Variants in NALF1 observed in about 807,000 individuals in gnomAD.
NALF1 encodes the protein family with sequence similarity 155 member A.
A neutral mutation model predicts 48.4 loss-of-function variants in NALF1; 3 were observed. That is an observed-to-expected ratio of 0.06 (90% CI 0.03 to 0.16). The LOEUF (loss-of-function observed/expected upper bound fraction) is 0.16, where lower values mean the gene tolerates loss of function less well. NALF1 is among the 10% of genes least tolerant of loss of function. NALF1 has a pLI of 1.00. For synonymous variants in NALF1, 262 were observed against 245.7 expected, an observed-to-expected ratio of 1.07 and a Z score of -0.62; for missense variants, 526 against 571.5, an observed-to-expected ratio of 0.92 and a Z score of 0.81.
chr13:107,794,165 G>A (rs2138589864), intron 1 of NALF1, among the ~76,000 whole-genome samples: 1 of 152,102 alleles, frequency 6.6e-6, no homozygotes, highest in African/African-American at 2.4e-5. Context: ...TGGATCCACG[G>A]GACTGCAACT....
intron 1 of NALF1, among the ~76,000 whole-genome samples, chr13:107,609,662 T>G (rs1879171936): frequency 6.6e-6 from 1 of 152,224 alleles, no homozygotes; most frequent in Non-Finnish European, 1.5e-5. Flanking sequence ...ATTATTAGGT[T>G]ATGATTAAAG....
At chr13:107,770,470 CTA>C (rs1352954760) in intron 1 of NALF1, among the ~76,000 whole-genome samples, 3 of 152,168 alleles carry the variant, frequency 2.0e-5, no homozygotes, top group East Asian at 3.9e-4. Flanking sequence ...AAATGTAACT[CTA>C]GTTTATTATT....
intron 1 of NALF1, among the ~76,000 whole-genome samples, chr13:107,603,519 C>T (rs781337564): frequency 1.3e-5 from 2 of 151,978 alleles, no homozygotes; most frequent in Non-Finnish European, 2.9e-5. Flanking sequence ...TTTTAATATA[C>T]CGAAGTATAT....
In NALF1 at chr13:107,386,508, G is replaced by A. The variant is rs75931354; in HGVS notation, c.916-175753C>T. ...ATGCCACTGAGCTGCCACCTGTTCT[G>A]GGAAGAGTCTTCGAAATCCCTAAGC... On this transcript the variant is annotated intron_variant, in intron 1 of 2. Transcript: ENST00000375915. Among the ~76,000 whole-genome samples, 74 of 152,188 alleles carry A rather than the reference G, an allele frequency of 4.9e-4. No individual in the cohort carries two copies. The East Asian group carries it at 0.013, about 27-fold the overall frequency.
At chr13:107,659,055 T>C (rs1299839171) in intron 1 of NALF1, among the ~76,000 whole-genome samples, 3 of 151,748 alleles carry the variant, frequency 2.0e-5, no homozygotes, top group Non-Finnish European at 2.9e-5. Context: ...CATTTTCTTG[T>C]TAAGTATTTT....
intron 1 of NALF1, among the ~76,000 whole-genome samples, chr13:107,824,335 G>A (rs1032980870): frequency 3.9e-5 from 6 of 152,010 alleles, no homozygotes; most frequent in African/African-American, 1.5e-4. Context: ...CATAGCCCCT[G>A]CAAAAAGTAT....
chr13:107,256,666 A>G (rs1357754828), intron 1 of NALF1, among the ~76,000 whole-genome samples: 1 of 150,410 alleles, frequency 6.6e-6, no homozygotes, highest in Non-Finnish European at 1.5e-5. Context: ...GTAACTGAAA[A>G]TAACAACCAA....
intron 1 of NALF1, among the ~76,000 whole-genome samples, chr13:107,442,037 G>A (rs1884568383): frequency 6.6e-6 from 1 of 152,212 alleles, no homozygotes. Context: ...AGCCAAAATA[G>A]GATGGATTGC....
chr13:107,337,686 T>C (rs1223937622), intron 1 of NALF1, among the ~76,000 whole-genome samples: 1 of 152,100 alleles, frequency 6.6e-6, no homozygotes, highest in Non-Finnish European at 1.5e-5. Flanking sequence ...CTGACCAACT[T>C]GCACACAGAA....
chr13:107,551,193 A>C (rs1877282653), intron 1 of NALF1, among the ~76,000 whole-genome samples: 1 of 152,138 alleles, frequency 6.6e-6, no homozygotes, highest in African/African-American at 2.4e-5. Flanking sequence ...ATGAACGAAG[A>C]CATCTGTTAC....
intron 1 of NALF1, among the ~76,000 whole-genome samples, chr13:107,458,868 A>T (rs1884870174): frequency 6.6e-6 from 1 of 152,074 alleles, no homozygotes; most frequent in African/African-American, 2.4e-5. Context: ...TATTTTTTGG[A>T]TCAGGGTTTG....
rs114437632 is a variant in NALF1, at chr13:107,686,817, G to A, written c.915+178865C>T. ...AATAATAACAGATGTTGGTGAGGGC[G>A]TGGAGAAAAGGATACACTTATATGC... is the stretch of plus-strand genomic sequence containing the variant. On this transcript the variant is annotated intron_variant, in intron 1 of 2. Transcript: ENST00000375915. Among the ~76,000 whole-genome samples the A allele has an allele frequency of 4.0e-3, 608 of 152,250 alleles. 2 individuals are homozygous for A. Among genetic ancestry groups the A allele is most frequent in the African/African-American group, 0.014 (590 of 41,528 alleles).
chr13:107,432,737 C>T (rs1249863625), intron 1 of NALF1, among the ~76,000 whole-genome samples: 1 of 152,150 alleles, frequency 6.6e-6, no homozygotes, highest in Non-Finnish European at 1.5e-5. Flanking sequence ...CTCATGTTCC[C>T]ATAGTCATGT....
intron 1 of NALF1, among the ~76,000 whole-genome samples, chr13:107,745,561 G>A (rs890580263): frequency 1.3e-5 from 2 of 152,058 alleles, no homozygotes; most frequent in Non-Finnish European, 2.9e-5. Context: ...CATTTACAGT[G>A]ACCTACGTTT....
chr13:107,528,723 T>C (rs780913958), intron 1 of NALF1, among the ~76,000 whole-genome samples: 15 of 152,156 alleles, frequency 9.9e-5, no homozygotes, highest in Non-Finnish European at 1.5e-4. Flanking sequence ...GACAGCCTCC[T>C]GATACAAGCT....
intron 1 of NALF1, among the ~76,000 whole-genome samples, chr13:107,560,139 T>G (rs1004887206): frequency 7.2e-5 from 11 of 152,196 alleles, no homozygotes; most frequent in Admixed American, 7.2e-4. Flanking sequence ...AAACATTGAC[T>G]TTGAAACGCC....
At chr13:107,791,865 C>T (rs1334718663) in intron 1 of NALF1, among the ~76,000 whole-genome samples, 2 of 151,766 alleles carry the variant, frequency 1.3e-5, no homozygotes, top group African/African-American at 4.8e-5. Flanking sequence ...GAGCCTGAGG[C>T]AGAAGAATTG....
At chr13:107,707,551 A>T (rs577641848) in intron 1 of NALF1, among the ~76,000 whole-genome samples, 16 of 152,222 alleles carry the variant, frequency 1.1e-4, no homozygotes, top group African/African-American at 3.1e-4. Context: ...TGCCAACCAC[A>T]AGCACCGACT....
chr13:107,694,994 T>A (rs1041036828), intron 1 of NALF1, among the ~76,000 whole-genome samples: 7 of 152,230 alleles, frequency 4.6e-5, no homozygotes, highest in Middle Eastern at 3.4e-3. Context: ...GGTTTCACCA[T>A]GTTGGCCAGG....
Sources: gnomAD v4.1 joint callset for allele counts (sites outside exome capture counted in the v4.1 genomes callset) on GRCh38, gnomAD v4.1.1 for gene constraint, MANE v1.5 for transcripts, NCBI Gene and HGNC (gene_info 2026-07-23, HGNC 2026-07-21) for gene names.